ADIG: variants seen among roughly 807,000 people sequenced by gnomAD.
The protein encoded by ADIG is adipogenesis associated.
A neutral mutation model predicts 10.7 loss-of-function variants in ADIG; 12 were observed. The ratio of observed to expected loss-of-function variants is 1.12; its 90% CI spans 0.72 to 1.82. The LOEUF (loss-of-function observed/expected upper bound fraction) is 1.82. Among genes scored for constraint, ADIG ranks in the 40% most tolerant of loss-of-function variants. ADIG has a pLI of 0.00. For missense variants in ADIG, 72 were observed against 92.5 expected (o/e 0.78, Z 0.91); for synonymous variants, 32 against 35.6 (o/e 0.90, Z 0.36).
At position 38,586,148 on chromosome 20, in the gene ADIG, G is replaced by A; in HGVS notation, c.*1G>A. 1 of 1,584,236 alleles carries A rather than the reference G, an allele frequency of 6.3e-7. No individual in the cohort carries two copies. Among genetic ancestry groups the A allele is most frequent in the Non-Finnish European group, 8.6e-7 (1 of 1,165,252 alleles). ...AGAGAAGGAGAGGCCCTGCTGGTGAGCCTGCTGTGCCAGGTGAGGCCCTTC... is the reference window on the plus strand; with the variant it reads ...AGAGAAGGAGAGGCCCTGCTGGTGAACCTGCTGTGCCAGGTGAGGCCCTTC... On this transcript the variant is annotated 3_prime_UTR_variant, in exon 2 of 3. Coordinates refer to ENST00000537425, the MANE Select transcript of ADIG (RefSeq NM_001393816.1).
chr20:38,586,150 C>G lies in ADIG; in HGVS notation c.*3C>G. On this transcript the variant is annotated 3_prime_UTR_variant, in exon 2 of 3. Transcript: ENST00000537425. The stretch of plus-strand genomic sequence containing the variant: ...AGAAGGAGAGGCCCTGCTGGTGAGC[C>G]TGCTGTGCCAGGTGAGGCCCTTCCA... 1 of 1,584,322 alleles carries G rather than the reference C, an allele frequency of 6.3e-7. No individual in the cohort carries two copies. The highest frequency in any genetic ancestry group is 2.3e-5 in the East Asian group (1 of 43,322).
At chr20:38,583,604 C>G (rs1444593376) in intron 1 of ADIG, among the ~76,000 whole-genome samples, 1 of 152,238 alleles carries the variant, frequency 6.6e-6, no homozygotes, top group Non-Finnish European at 1.5e-5. Context: ...GGAGGAAATG[C>G]AGGTGGTGTG....
chr20:38,587,962 T>C, intron 2 of ADIG, 139 bp from the exon 3 acceptor site: 2 of 1,046,304 alleles, frequency 1.9e-6, no homozygotes, highest in Non-Finnish European at 2.5e-6. Context: ...GGTCTTGAAC[T>C]CCTGACCTTA....
At position 38,586,172 on chromosome 20, in the gene ADIG, T is replaced by C. The variant is rs1167037591; in HGVS notation, c.*14+11T>C. On this transcript the variant is annotated intron_variant, in intron 2 of 2. Transcript: ENST00000537425. ...AGCCTGCTGTGCCAGGTGAGGCCCT[T>C]CCAGGGGCCAGGGGGAGCCTCAAGG... 4.5e-6 allele frequency: 7 copies of C among 1,564,604 alleles called. No homozygotes were observed. In the East Asian group the frequency reaches 1.7e-4, roughly 37 times the overall value.
At chr20:38,582,587 T>C (rs556422415) in intron 1 of ADIG, among the ~76,000 whole-genome samples, 1 of 152,170 alleles carries the variant, frequency 6.6e-6, no homozygotes, top group South Asian at 2.1e-4. Flanking sequence ...TATAATTATG[T>C]AATTATTGGG....
In ADIG at chr20:38,588,443, G is replaced by A. The variant is rs1011066622; in HGVS notation, c.*357G>A. 7 of 1,210,318 alleles carry A rather than the reference G, an allele frequency of 5.8e-6. No homozygotes were observed. The African/African-American group carries it at 6.4e-5, about 11-fold the overall frequency. The allele number at this position is 1,210,318 out of a possible 1,614,324, so 75.0% of individuals were successfully genotyped here. A position where few individuals can be genotyped will look rare whatever the true frequency, so the allele number is the denominator to read the frequency against. ...AAGAAGCAAGGGTCTTCCCATACCC[G>A]GGGGACCCCTGACAAACCTACCAGG... On this transcript the variant is annotated 3_prime_UTR_variant, in exon 3 of 3. Transcript: ENST00000537425.
At chr20:38,584,898 C>G (rs2088622031) in intron 1 of ADIG, among the ~76,000 whole-genome samples, 1 of 152,218 alleles carries the variant, frequency 6.6e-6, no homozygotes, top group African/African-American at 2.4e-5. Flanking sequence ...CTGCCTCAAC[C>G]TCCTGAGCAG....
At chr20:38,587,533 C>G (rs2088647925) in intron 2 of ADIG, among the ~76,000 whole-genome samples, 1 of 152,162 alleles carries the variant, frequency 6.6e-6, no homozygotes, top group Non-Finnish European at 1.5e-5. Flanking sequence ...TTGGCTATTG[C>G]TGTCTTGAAA....
chr20:38,581,319 C>T lies in ADIG; in HGVS notation c.69C>T (p.Leu23=). 6.2e-7 allele frequency: 1 copy of T among 1,613,998 alleles called. No homozygotes were observed. The highest frequency in any genetic ancestry group is 8.5e-7 in the Non-Finnish European group (1 of 1,179,888). The change falls in exon 1 of 3, where the codon CTC becomes CTT. Residue 23 remains leucine (L), a synonymous_variant. Transcript: ENST00000537425. ...CTTTCCTGGTTTTCTGGTTCTGCCT[C>T]CCTGTGGGTTTGCTGTTGTTATTGA... ...TFSFLVFWFC[L]PVGLLLLLII... is the part of the protein sequence containing the mutation.
intron 1 of ADIG, among the ~76,000 whole-genome samples, chr20:38,582,950 G>A (rs753424087): frequency 1.8e-4 from 27 of 151,944 alleles, no homozygotes; most frequent in Admixed American, 6.6e-4. Flanking sequence ...CCCAAGTAGC[G>A]GGGATTACAG....
At position 38,581,310 on chromosome 20, in the gene ADIG, G is replaced by T. The variant is rs2088589213; in HGVS notation, c.60G>T (p.Trp20Cys). The T allele has an allele frequency of 6.2e-7, 1 of 1,613,960 alleles. No homozygotes were observed. ...NDLTFSFLVF[W>C]FCLPVGLLLL... ...TCACATTTTCTTTCCTGGTTTTCTG[G>T]TTCTGCCTCCCTGTGGGTTTGCTGT... The change falls in exon 1 of 3, where the codon TGG (tryptophan) becomes TGT (cysteine). Residue 20 changes from tryptophan (W) to cysteine (C), a missense_variant. Physicochemically the swap from Trp to Cys is radical, Grantham distance 215. Coordinates refer to ENST00000537425, the MANE Select transcript of ADIG (RefSeq NM_001393816.1).
At position 38,581,364 on chromosome 20, in the gene ADIG, A is replaced by T. The variant is rs956811524; in HGVS notation, c.114A>T (p.Leu38Phe). 3 of 1,613,958 alleles carry T rather than the reference A, an allele frequency of 1.9e-6. No homozygotes were observed. Among genetic ancestry groups the T allele is most frequent in the East Asian group, 2.2e-5 (1 of 44,872 alleles). ...LLLLIIWLRF[L>F]LSQDSEENDS... is the part of the protein sequence containing the mutation. ...TATTGATCATCTGGCTACGCTTCTT[A>T]CTTAGCCAAGGTGAGCTTCTTACCC... The change falls in exon 1 of 3, where the codon TTA becomes TTT. Residue 38 changes from leucine to phenylalanine, a missense_variant. Leu to Phe is a conservative substitution (Grantham distance 22). Transcript: ENST00000537425.
chr20:38,581,454 C>G, intron 1 of ADIG, 80 bp downstream of exon 1: 1 of 1,582,498 alleles, frequency 6.3e-7, no homozygotes, highest in Non-Finnish European at 8.6e-7. Flanking sequence ...TGTCCTGAAA[C>G]AACTGCAGAA....
At chr20:38,583,503 G>T (rs560510630) in intron 1 of ADIG, among the ~76,000 whole-genome samples, 163 of 152,338 alleles carry the variant, frequency 1.1e-3, no homozygotes, top group African/African-American at 3.7e-3. Flanking sequence ...TACTTACAGG[G>T]CAGGGCACAC....
chr20:38,584,998 G>A (rs536778144), intron 1 of ADIG, among the ~76,000 whole-genome samples: 50 of 152,276 alleles, frequency 3.3e-4, no homozygotes, highest in African/African-American at 1.1e-3. Context: ...GGATGGTCTC[G>A]ATCTCTTGAT....
chr20:38,585,518 T>A, intron 1 of ADIG: 1 of 1,550,588 alleles, frequency 6.4e-7, no homozygotes, highest in Non-Finnish European at 8.7e-7. Flanking sequence ...GGTCCGGGTC[T>A]CCATGTGGTG....
chr20:38,581,502 ACAAG>A (rs1376110430), intron 1 of ADIG, 128 bp downstream of exon 1: 4 of 1,349,752 alleles, frequency 3.0e-6, no homozygotes, highest in Non-Finnish European at 4.1e-6. Context: ...TCGCTTAGAT[ACAAG>A]CAGTCAACTC....
chr20:38,585,555 G>C, intron 1 of ADIG: 2 of 1,542,258 alleles, frequency 1.3e-6, no homozygotes, highest in South Asian at 1.2e-5. Context: ...TAGTCACCCA[G>C]ATCTCTCGTG....
chr20:38,581,465 G>A (rs1202913051), intron 1 of ADIG, 91 bp downstream of exon 1: 1 of 1,554,756 alleles, frequency 6.4e-7, no homozygotes, highest in African/African-American at 1.4e-5. Context: ...AACTGCAGAA[G>A]GGGCTTCCTT....
Sources: allele counts gnomAD v4.1 joint callset (sites outside exome capture counted in the v4.1 genomes callset), GRCh38; gene constraint gnomAD v4.1.1; transcripts MANE v1.5; gene names NCBI Gene and HGNC (gene_info 2026-07-23, HGNC 2026-07-21).